Variants in SDK1 observed in about 807,000 individuals in gnomAD.
SDK1 encodes the protein sidekick cell adhesion molecule 1.
A neutral mutation model predicts 245.5 loss-of-function variants in SDK1; 157 were observed. The ratio of observed to expected loss-of-function variants is 0.64; its 90% confidence interval spans 0.56 to 0.73. The LOEUF (loss-of-function observed/expected upper bound fraction) is 0.73, where lower values mean the gene tolerates loss of function less well. Ranked by LOEUF, SDK1 falls within the 30% of genes least tolerant of loss-of-function variation. SDK1 has a pLI of 0.00. For missense variants in SDK1, 3,583 were observed against 3,002.3 expected (o/e 1.19, Z -4.52); for synonymous variants, 1,647 against 1,278.5 (o/e 1.29, Z -6.15).
chr7:4,219,071 A>T (rs548208981), intron 38 of SDK1, among the ~76,000 whole-genome samples: 161 of 152,310 alleles, frequency 1.1e-3, no homozygotes, highest in African/African-American at 3.7e-3. Flanking sequence ...ACTTGTTTAT[A>T]ACATCCCATA....
chr7:3,308,839 A>C (rs1779482579), intron 1 of SDK1, among the ~76,000 whole-genome samples: 2 of 152,046 alleles, frequency 1.3e-5, no homozygotes, highest in South Asian at 4.1e-4. Flanking sequence ...GAAGCTCTCA[A>C]GTGTGTAAGC....
At chr7:4,217,572 G>A (rs139297055) in intron 38 of SDK1, among the ~76,000 whole-genome samples, 8,800 of 128,596 alleles carry the variant, frequency 0.068, 176 homozygotes, top group Non-Finnish European at 0.1. Flanking sequence ...CACACCACCC[G>A]GAGCACCACG....
intron 4 of SDK1, among the ~76,000 whole-genome samples, chr7:3,755,582 A>C (rs1208634594): frequency 6.6e-6 from 1 of 152,150 alleles, no homozygotes; most frequent in Non-Finnish European, 1.5e-5. Flanking sequence ...CTTTATGAGG[A>C]ACAGAGTCTG....
chr7:4,044,391 C>T (rs536582978), intron 17 of SDK1, among the ~76,000 whole-genome samples: 2 of 152,358 alleles, frequency 1.3e-5, no homozygotes, highest in East Asian at 3.9e-4. Context: ...TGAAGGGTTT[C>T]AGACATAGAC....
chr7:3,735,077 C>T (rs956431320), intron 4 of SDK1, among the ~76,000 whole-genome samples: 1 of 152,182 alleles, frequency 6.6e-6, no homozygotes, highest in East Asian at 1.9e-4. Flanking sequence ...GTAGAGGTAT[C>T]TCCAGAATCA....
intron 4 of SDK1, among the ~76,000 whole-genome samples, chr7:3,663,036 G>T (rs1783414862): frequency 6.6e-6 from 1 of 152,178 alleles, no homozygotes; most frequent in Non-Finnish European, 1.5e-5. Context: ...ATGTGTGTAT[G>T]TATCAATCAG....
At chr7:4,061,725 A>G (rs917194370) in intron 19 of SDK1, among the ~76,000 whole-genome samples, 8 of 152,168 alleles carry the variant, frequency 5.3e-5, no homozygotes, top group Non-Finnish European at 1.0e-4. Flanking sequence ...AAGACTTTGA[A>G]CCAATCCAAA....
chr7:3,611,044 A>C (rs1039620690), intron 1 of SDK1, among the ~76,000 whole-genome samples: 5 of 152,216 alleles, frequency 3.3e-5, no homozygotes, highest in Admixed American at 6.5e-5. Context: ...TATTCTTTCA[A>C]TTGTAGCTGC....
intron 40 of SDK1, among the ~76,000 whole-genome samples, chr7:4,226,108 A>T (rs1185244916): frequency 6.6e-6 from 1 of 152,168 alleles, no homozygotes; most frequent in Non-Finnish European, 1.5e-5. Flanking sequence ...TACAGGCCTC[A>T]TTACACAAAA....
chr7:3,523,729 T>A (rs1020576670), intron 1 of SDK1, among the ~76,000 whole-genome samples: 1 of 152,110 alleles, frequency 6.6e-6, no homozygotes, highest in African/African-American at 2.4e-5. Flanking sequence ...CTGTCAGAAA[T>A]CAGAATTAAT....
intron 11 of SDK1, among the ~76,000 whole-genome samples, chr7:3,970,329 C>G (rs964623604): frequency 6.6e-6 from 1 of 152,184 alleles, no homozygotes; most frequent in African/African-American, 2.4e-5. Context: ...CTTTGATAAA[C>G]GACTCTTCCT....
chr7:3,771,964 T>A (rs62437940), intron 4 of SDK1, among the ~76,000 whole-genome samples: 1 of 152,212 alleles, frequency 6.6e-6, no homozygotes, highest in African/African-American at 2.4e-5. Context: ...TTTTGTCTTA[T>A]GAGTTTGTCT....
At chr7:4,185,018 A>G (rs537408710) in intron 35 of SDK1, among the ~76,000 whole-genome samples, 7 of 152,264 alleles carry the variant, frequency 4.6e-5, no homozygotes, top group East Asian at 1.9e-4. Context: ...TTAGTTGCAT[A>G]TCTGTCCCCA....
rs372082538 is a variant in SDK1, at chr7:4,139,677, A to ATG, written c.4229-6033_4229-6032dup. 1.8e-5 allele frequency among the ~76,000 whole-genome samples: 2 copies of ATG among 112,552 alleles called. 1 individual carries two copies. Among genetic ancestry groups the ATG allele is most frequent in the Non-Finnish European group, 3.7e-5 (2 of 54,088 alleles). The allele number at this position is 112,552 out of a possible 152,430, so 73.8% of individuals were successfully genotyped here. ...TGTGTGTGTATATGTGTGTGTGTAT[A>ATG]TGTGTGTGTGTGTATGTGTGTGTGT... On this transcript the variant is annotated intron_variant, in intron 28 of 44. Coordinates refer to ENST00000404826, the MANE Select transcript of SDK1 (RefSeq NM_152744.4).
intron 5 of SDK1, among the ~76,000 whole-genome samples, chr7:3,849,531 A>G (rs1252183756): frequency 6.6e-6 from 1 of 152,212 alleles, no homozygotes; most frequent in Non-Finnish European, 1.5e-5. Flanking sequence ...ACTTCAGTAT[A>G]TGTTCAATGG....
At chr7:4,035,422 A>G (rs984346100) in intron 17 of SDK1, among the ~76,000 whole-genome samples, 2 of 152,224 alleles carry the variant, frequency 1.3e-5, no homozygotes, top group African/African-American at 4.8e-5. Flanking sequence ...ACTTTGAAAG[A>G]TGGAAATTTG....
intron 4 of SDK1, among the ~76,000 whole-genome samples, chr7:3,764,331 T>A (rs577560684): frequency 6.6e-6 from 1 of 152,186 alleles, no homozygotes; most frequent in Non-Finnish European, 1.5e-5. Flanking sequence ...ACCCCCCTTT[T>A]TTACAACAAA....
chr7:3,534,650 C>T (rs995480863), intron 1 of SDK1, among the ~76,000 whole-genome samples: 2 of 152,072 alleles, frequency 1.3e-5, no homozygotes. Context: ...CGGTCTCTGC[C>T]TTTCACACTA....
chr7:4,011,548 C>T lies in SDK1; in HGVS notation c.2279+435C>T, dbSNP rs150009995. Among the ~76,000 whole-genome samples the T allele has an allele frequency of 5.9e-3, 905 of 152,342 alleles. 7 individuals are homozygous for T. Among genetic ancestry groups the T allele is most frequent in the Middle Eastern group, 0.017 (5 of 294 alleles). Reference sequence around the variant, plus strand: ...AGGCGTCGCATTCCTGAGCGGTCTTCACGCTCTCCCATCCCTGCGAGGGCC... The same window carrying T: ...AGGCGTCGCATTCCTGAGCGGTCTTTACGCTCTCCCATCCCTGCGAGGGCC... On this transcript the variant is annotated intron_variant, in intron 15 of 44. Coordinates refer to ENST00000404826, the MANE Select transcript of SDK1 (RefSeq NM_152744.4).
Sources: gnomAD v4.1 joint callset for allele counts (sites outside exome capture counted in the v4.1 genomes callset) on GRCh38, gnomAD v4.1.1 for gene constraint, MANE v1.5 for transcripts, NCBI Gene and HGNC (gene_info 2026-07-23, HGNC 2026-07-21) for gene names.